Variants in CNTNAP2 observed in about 807,000 individuals in gnomAD.
CNTNAP2 encodes the protein contactin associated protein 2, also known as contactin-associated protein-like 2.
CNTNAP2 carries 98 observed loss-of-function variants against 155.2 expected under a neutral mutation model. The ratio of observed to expected loss-of-function variants is 0.63; its 90% confidence interval spans 0.54 to 0.75. The LOEUF (loss-of-function observed/expected upper bound fraction) is 0.75, where lower values mean the gene tolerates loss of function less well. Ranked by LOEUF, CNTNAP2 falls within the 30% of genes least tolerant of loss-of-function variation. CNTNAP2 has a pLI of 0.00. For synonymous variants in CNTNAP2, 651 were observed against 631.2 expected, an observed-to-expected ratio of 1.03 and a Z score of -0.47; for missense variants, 1,727 against 1,688.1, an observed-to-expected ratio of 1.02 and a Z score of -0.40.
intron 1 of CNTNAP2, among the ~76,000 whole-genome samples, chr7:146,422,314 T>C (rs903522008): frequency 4.0e-5 from 6 of 150,118 alleles, no homozygotes; most frequent in African/African-American, 1.2e-4. Context: ...TATATAAGAA[T>C]ATATACATAA....
chr7:148,056,552 G>A (rs773877712), intron 15 of CNTNAP2: 1 of 152,182 alleles, frequency 6.6e-6, no homozygotes, highest in Non-Finnish European at 1.5e-5. Flanking sequence ...ACCCAGAGTA[G>A]CATAGCATAT....
intron 1 of CNTNAP2, among the ~76,000 whole-genome samples, chr7:146,385,846 A>T (rs964844242): frequency 6.6e-6 from 1 of 152,230 alleles, no homozygotes; most frequent in African/African-American, 2.4e-5. Context: ...TTTCTATAGT[A>T]AGCTGTCATT....
chr7:146,257,740 A>G lies in CNTNAP2; in HGVS notation c.97+140767A>G, dbSNP rs149878452. Among the ~76,000 whole-genome samples, 72 of 152,348 alleles carry G rather than the reference A, an allele frequency of 4.7e-4. 1 individual carries two copies. Among genetic ancestry groups the G allele is most frequent in the African/African-American group, 1.7e-3 (71 of 41,582 alleles). ...TGCCAGCAAGTTTTCAGGTGATAAT[A>G]AGGTCACTGGACCAGAGAACATACT... On this transcript the variant is annotated intron_variant, in intron 1 of 23. Transcript: ENST00000361727.
chr7:146,910,228 C>T (rs1451869755), intron 3 of CNTNAP2, among the ~76,000 whole-genome samples: 1 of 145,336 alleles, frequency 6.9e-6, no homozygotes, highest in East Asian at 1.9e-4. Context: ...GGCCATACTG[C>T]CCAAGGTAAT....
intron 11 of CNTNAP2, among the ~76,000 whole-genome samples, chr7:147,557,153 G>C (rs963507567): frequency 6.6e-6 from 1 of 151,988 alleles, no homozygotes; most frequent in Non-Finnish European, 1.5e-5. Context: ...AATCCCAGCT[G>C]CTTGGGAAGC....
At chr7:146,866,142 T>A (rs1795200368) in intron 3 of CNTNAP2, among the ~76,000 whole-genome samples, 1 of 152,106 alleles carries the variant, frequency 6.6e-6, no homozygotes, top group South Asian at 2.1e-4. Context: ...CAGTTTCTCA[T>A]CTGCCTGTTT....
chr7:146,410,533 G>A lies in CNTNAP2; in HGVS notation c.97+293560G>A, dbSNP rs1447180331. Reference sequence around the variant, plus strand: ...TTTTATTTTAAATTCAGGGGGAGACGTGCAGGCTTGTTATATAGGTAAACT... The same window carrying A: ...TTTTATTTTAAATTCAGGGGGAGACATGCAGGCTTGTTATATAGGTAAACT... On this transcript the variant is annotated intron_variant, in intron 1 of 23. Transcript: ENST00000361727. Among the ~76,000 whole-genome samples the A allele has an allele frequency of 3.9e-5, 6 of 152,050 alleles. No individual in the cohort carries two copies. In the East Asian group the frequency reaches 7.7e-4, roughly 20 times the overall value.
In CNTNAP2 at chr7:147,505,842, G is replaced by C. The variant is rs1798896795; in HGVS notation, c.1777+19801G>C. Among the ~76,000 whole-genome samples the C allele has an allele frequency of 2.0e-5, 3 of 152,148 alleles. 1 individual carries two copies. Reference sequence around the variant, plus strand: ...TTTCTTCCCTGTAGTGCCTTTTGGAGAAAGTCTGAGTTAACAAATGGATCT... The same window carrying C: ...TTTCTTCCCTGTAGTGCCTTTTGGACAAAGTCTGAGTTAACAAATGGATCT... On this transcript the variant is annotated intron_variant, in intron 11 of 23. Transcript: ENST00000361727.
chr7:147,208,302 T>C (rs967294233), intron 8 of CNTNAP2, among the ~76,000 whole-genome samples: 9 of 152,096 alleles, frequency 5.9e-5, no homozygotes, highest in Non-Finnish European at 8.8e-5. Flanking sequence ...AAATTGTCAA[T>C]ATTTTGTTTT....
In CNTNAP2 at chr7:148,215,519, T is replaced by C. The variant is rs985965706; in HGVS notation, c.3011-1769T>C. ...CTCCATTTCTCAGGGCTTTCTTTTTTTTTTTTTTTTAACATTAGTGACTTC... is the reference window on the plus strand; with the variant it reads ...CTCCATTTCTCAGGGCTTTCTTTTTCTTTTTTTTTTAACATTAGTGACTTC... On this transcript the variant is annotated intron_variant, in intron 18 of 23. Transcript: ENST00000361727. 5.9e-5 allele frequency among the ~76,000 whole-genome samples: 9 copies of C among 151,902 alleles called. 1 individual carries two copies. The highest frequency in any genetic ancestry group is 2.2e-4 in the African/African-American group (9 of 41,452).
intron 1 of CNTNAP2, among the ~76,000 whole-genome samples, chr7:146,235,035 T>C (rs759865090): frequency 3.3e-5 from 5 of 152,122 alleles, no homozygotes; most frequent in Non-Finnish European, 5.9e-5. Context: ...ATAGTCTGTT[T>C]ATAGGCCTAG....
intron 18 of CNTNAP2, among the ~76,000 whole-genome samples, chr7:148,193,198 C>T (rs1441434223): frequency 6.6e-6 from 1 of 152,072 alleles, no homozygotes; most frequent in East Asian, 1.9e-4. Flanking sequence ...CCTGACCATA[C>T]TGCACAGATT....
At chr7:146,946,405 A>G (rs1035599016) in intron 3 of CNTNAP2, among the ~76,000 whole-genome samples, 2 of 152,166 alleles carry the variant, frequency 1.3e-5, no homozygotes, top group African/African-American at 2.4e-5. Flanking sequence ...AGGTATTTAT[A>G]GTTATAGGAT....
intron 3 of CNTNAP2, among the ~76,000 whole-genome samples, chr7:146,984,087 G>T (rs190750171): frequency 4.6e-4 from 70 of 152,038 alleles, no homozygotes; most frequent in Admixed American, 2.0e-3. Flanking sequence ...GATTTATCTG[G>T]CCAGGCGCGG....
At chr7:147,719,785 T>C in intron 13 of CNTNAP2, among the ~76,000 whole-genome samples, 1 of 152,130 alleles carries the variant, frequency 6.6e-6, no homozygotes, top group East Asian at 1.9e-4. Context: ...CTGTGACTTT[T>C]GCCTTTCTCT....
At chr7:146,588,815 T>C (rs917100264) in intron 1 of CNTNAP2, among the ~76,000 whole-genome samples, 1 of 152,172 alleles carries the variant, frequency 6.6e-6, no homozygotes, top group African/African-American at 2.4e-5. Flanking sequence ...GGCCCACATA[T>C]GAAATTTTGA....
At chr7:147,868,526 G>A (rs1563117758) in intron 13 of CNTNAP2, among the ~76,000 whole-genome samples, 1 of 152,246 alleles carries the variant, frequency 6.6e-6, no homozygotes, top group Non-Finnish European at 1.5e-5. Flanking sequence ...GGATGTTTAA[G>A]TCTGCAGAAG....
At chr7:148,254,502 C>T (rs2116821446) in intron 20 of CNTNAP2, among the ~76,000 whole-genome samples, 1 of 152,258 alleles carries the variant, frequency 6.6e-6, no homozygotes, top group South Asian at 2.1e-4. Flanking sequence ...TTAGGCCATG[C>T]ACGTTGGCTC....
intron 15 of CNTNAP2, among the ~76,000 whole-genome samples, chr7:148,062,732 C>T (rs1585105404): frequency 6.6e-6 from 1 of 152,040 alleles, no homozygotes; most frequent in Admixed American, 6.5e-5. Context: ...ACTTTAAATG[C>T]TTAAGTAAAA....
Sources: gnomAD v4.1 joint callset for allele counts (sites outside exome capture counted in the v4.1 genomes callset) on GRCh38, gnomAD v4.1.1 for gene constraint, MANE v1.5 for transcripts, NCBI Gene and HGNC (gene_info 2026-07-23, HGNC 2026-07-21) for gene names.